CACNA2D3: variants seen among roughly 807,000 people sequenced by gnomAD.
CACNA2D3 encodes calcium voltage-gated channel auxiliary subunit alpha2delta 3.
A neutral mutation model predicts 160.6 loss-of-function variants in CACNA2D3; 60 were observed. The ratio of observed to expected loss-of-function variants is 0.37; its 90% CI spans 0.30 to 0.46. The LOEUF (loss-of-function observed/expected upper bound fraction) is 0.46, where lower values mean the gene tolerates loss of function less well. CACNA2D3 is among the 20% of genes least tolerant of loss of function. The pLI, the probability that CACNA2D3 is intolerant of heterozygous loss-of-function variation, is 1.00. For missense variants in CACNA2D3, 1,205 were observed against 1,365.0 expected (o/e 0.88, Z 1.85); for synonymous variants, 558 against 492.9 (o/e 1.13, Z -1.75).
intron 23 of CACNA2D3, among the ~76,000 whole-genome samples, chr3:54,887,680 G>C (rs149532241): frequency 1.3e-5 from 2 of 152,082 alleles, no homozygotes; most frequent in African/African-American, 4.8e-5. Flanking sequence ...TCCATGGCAG[G>C]AACCACGAGA....
At chr3:54,618,827 T>C (rs1384281150) in intron 9 of CACNA2D3, among the ~76,000 whole-genome samples, 1 of 152,200 alleles carries the variant, frequency 6.6e-6, no homozygotes, top group Non-Finnish European at 1.5e-5. Flanking sequence ...CAGCATCACA[T>C]TCCCCCTGGG....
chr3:54,893,150 C>T (rs568180073), intron 25 of CACNA2D3, among the ~76,000 whole-genome samples: 1 of 152,174 alleles, frequency 6.6e-6, no homozygotes, highest in Non-Finnish European at 1.5e-5. Context: ...GTGGCACACA[C>T]CTGTAATCCC....
In CACNA2D3 at chr3:55,074,135, G is replaced by A. The variant is rs754626301; in HGVS notation, c.3205G>A (p.Gly1069Ser). 3.1e-6 allele frequency: 5 copies of A among 1,613,706 alleles called. No homozygotes were observed. Residue 1069 changes from glycine (G) to serine (S), a missense_variant, in exon 38 of 38, where the codon GGT becomes AGT. By Grantham distance (56) the Gly-to-Ser change is moderately conservative (BLOSUM62 0). Transcript: ENST00000474759. ...HPEENARECG[G>S]APSLQAQTVL... ...ATAGGAGAATGCAAGGGAGTGTGGG[G>A]GTGCGCCGAGTCTCCAAGCCCAGAC...
intron 2 of CACNA2D3, among the ~76,000 whole-genome samples, chr3:54,233,283 G>C (rs1018950554): frequency 3.3e-5 from 5 of 152,188 alleles, no homozygotes; most frequent in African/African-American, 1.2e-4. Context: ...GGTCAGGCTG[G>C]CATGATGTGG....
At chr3:54,789,738 T>A (rs530249233) in intron 13 of CACNA2D3, 163 of 456,002 alleles carry the variant, frequency 3.6e-4, no homozygotes, top group South Asian at 2.4e-3. Context: ...CAGAGCTTTC[T>A]CTAAAGCTCC....
At chr3:54,308,629 A>T (rs1393093314) in intron 2 of CACNA2D3, among the ~76,000 whole-genome samples, 2 of 152,224 alleles carry the variant, frequency 1.3e-5, no homozygotes, top group African/African-American at 2.4e-5. Flanking sequence ...TATTCTTATT[A>T]TAATGGCTAG....
chr3:54,694,595 C>G (rs768054956), intron 11 of CACNA2D3, among the ~76,000 whole-genome samples: 1 of 152,288 alleles, frequency 6.6e-6, no homozygotes, highest in South Asian at 2.1e-4. Context: ...ACCCACTGCT[C>G]AAATCCTGTG....
intron 10 of CACNA2D3, chr3:54,632,125 T>G (rs745657735): frequency 6.6e-6 from 1 of 152,224 alleles, no homozygotes; most frequent in East Asian, 1.9e-4. Flanking sequence ...GAAAAGATAT[T>G]ACTCATCAAA....
intron 31 of CACNA2D3, among the ~76,000 whole-genome samples, chr3:54,998,187 T>C (rs1702901054): frequency 6.9e-6 from 1 of 144,864 alleles, no homozygotes; most frequent in Non-Finnish European, 1.5e-5. Flanking sequence ...CAGGCTGGAG[T>C]GCGGTGGCAC....
Position 54,164,469 on chromosome 3 carries a change from T to C in CACNA2D3, c.204+40875T>C, listed in dbSNP as rs149901204. Among the ~76,000 whole-genome samples, 298 of 152,342 alleles carry C rather than the reference T, an allele frequency of 2.0e-3. 1 individual carries two copies. The highest frequency in any genetic ancestry group is 6.5e-3 in the African/African-American group (270 of 41,588). On this transcript the variant is annotated intron_variant, in intron 2 of 37. Transcript: ENST00000474759. ...TCCTCCTCGGGGGACTCCCCTGGAA[T>C]TACCTTTGTCATTTTACTTTCTCAA...
chr3:54,392,028 C>A (rs2106675569), intron 4 of CACNA2D3, among the ~76,000 whole-genome samples: 1 of 152,262 alleles, frequency 6.6e-6, no homozygotes, highest in East Asian at 1.9e-4. Context: ...TTAACATAGG[C>A]TTTTCTTAAA....
intron 22 of CACNA2D3, 73 bp downstream of exon 22, chr3:54,885,399 C>T: frequency 6.9e-6 from 11 of 1,602,350 alleles, no homozygotes; most frequent in Non-Finnish European, 9.4e-6. Flanking sequence ...GGTTTGTGCT[C>T]CCTTGCCCAG....
chr3:54,847,169 G>A (rs1178778201), intron 17 of CACNA2D3, among the ~76,000 whole-genome samples: 1 of 152,186 alleles, frequency 6.6e-6, no homozygotes, highest in Non-Finnish European at 1.5e-5. Context: ...TTGGGGCATT[G>A]GCCACAAGTG....
At chr3:54,626,208 C>T (rs145134095) in intron 9 of CACNA2D3, 77 of 842,944 alleles carry the variant, frequency 9.1e-5, no homozygotes, top group African/African-American at 1.7e-4. Flanking sequence ...TCTGAGGATC[C>T]GGCAAGATGG....
intron 11 of CACNA2D3, among the ~76,000 whole-genome samples, chr3:54,739,714 G>A (rs991075344): frequency 1.3e-5 from 2 of 151,478 alleles, no homozygotes; most frequent in East Asian, 1.9e-4. Context: ...GTGCAGTAGC[G>A]ACCCAGTTCT....
intron 35 of CACNA2D3, among the ~76,000 whole-genome samples, chr3:55,053,228 G>A (rs1427681077): frequency 2.0e-5 from 3 of 151,872 alleles, no homozygotes; most frequent in Non-Finnish European, 1.5e-5. Context: ...GTATTTTCTA[G>A]AATTTTATGT....
At chr3:54,736,501 T>C (rs930568449) in intron 11 of CACNA2D3, among the ~76,000 whole-genome samples, 1 of 152,182 alleles carries the variant, frequency 6.6e-6, no homozygotes, top group Non-Finnish European at 1.5e-5. Flanking sequence ...GTGGTCAAGT[T>C]ATTTTCAGAA....
chr3:54,161,529 G>C (rs757409755), intron 2 of CACNA2D3, among the ~76,000 whole-genome samples: 11 of 152,214 alleles, frequency 7.2e-5, no homozygotes, highest in Non-Finnish European at 1.5e-4. Context: ...ATTAGTAACT[G>C]AATGGCATAT....
chr3:54,177,748 T>A (rs1183616678), intron 2 of CACNA2D3: 2 of 152,218 alleles, frequency 1.3e-5, no homozygotes, highest in African/African-American at 4.8e-5. Flanking sequence ...GAGGCAACGT[T>A]TTCTTAATTT....
Sources: allele counts gnomAD v4.1 joint callset (sites outside exome capture counted in the v4.1 genomes callset), GRCh38; gene constraint gnomAD v4.1.1; transcripts MANE v1.5; gene names NCBI Gene and HGNC (gene_info 2026-07-23, HGNC 2026-07-21).